The following SCAP variants were observed in gnomAD, a reference collection of about 807,000 sequenced individuals.
SCAP encodes sterol regulatory element-binding protein cleavage-activating protein.
In SCAP, 65 loss-of-function variants were observed where a neutral mutation model predicts 123.6. The ratio of observed to expected loss-of-function variants is 0.53; its 90% CI spans 0.43 to 0.65. SCAP has a LOEUF of 0.65. Among genes scored for constraint, SCAP ranks in the 30% least tolerant of loss-of-function variants. The probability of loss-of-function intolerance (pLI) is 0.00; values close to 1 mark genes in which losing one functional copy is unlikely to be tolerated. For synonymous variants in SCAP, 740 were observed against 726.3 expected, an observed-to-expected ratio of 1.02 and a Z score of -0.30; for missense variants, 1,398 against 1,712.5, an observed-to-expected ratio of 0.82 and a Z score of 3.24.
Position 47,418,540 on chromosome 3 carries a change from C to A in SCAP, c.2130-18G>T. On this transcript the variant is annotated intron_variant, in intron 14 of 22. Coordinates refer to ENST00000265565, the MANE Select transcript of SCAP (RefSeq NM_012235.4). ...CCGCCACCCTGCACGGGAGGGCGGACTGCTGTGAGACACACCTCACAGCCT... is the reference window on the plus strand; with the variant it reads ...CCGCCACCCTGCACGGGAGGGCGGAATGCTGTGAGACACACCTCACAGCCT... 1 of 1,575,676 alleles carries A rather than the reference C, an allele frequency of 6.3e-7. No homozygotes were observed. The highest frequency in any genetic ancestry group is 8.6e-7 in the Non-Finnish European group (1 of 1,161,314).
At chr3:47,416,645 G>A (rs1478476838) in intron 18 of SCAP, among the ~76,000 whole-genome samples, 1 of 50,036 alleles carries the variant, frequency 2.0e-5, no homozygotes, top group Non-Finnish European at 3.7e-5. Context: ...TTTTTTTTTT[G>A]AGACGGAGTC....
intron 1 of SCAP, among the ~76,000 whole-genome samples, chr3:47,444,051 T>C (rs1428437347): frequency 6.6e-6 from 1 of 152,226 alleles, no homozygotes; most frequent in Non-Finnish European, 1.5e-5. Flanking sequence ...AGCTATTCTA[T>C]ACCCTTCTAA....
chr3:47,469,785 T>C, intron 1 of SCAP: 2 of 535,716 alleles, frequency 3.7e-6, no homozygotes, highest in Non-Finnish European at 7.3e-6. Flanking sequence ...TTATATTCAT[T>C]GCTCAACAAG....
Position 47,464,047 on chromosome 3 carries a change from G to A in SCAP, c.-99+11752C>T, listed in dbSNP as rs1001323083. On this transcript the variant is annotated intron_variant, in intron 1 of 22. Coordinates refer to ENST00000265565, the MANE Select transcript of SCAP (RefSeq NM_012235.4). Reference sequence around the variant, plus strand: ...ATTTATTTATTTGAGACAGAGTCTCGCTCTGTCACCCAGGCTGGAGTACAG... The same window carrying A: ...ATTTATTTATTTGAGACAGAGTCTCACTCTGTCACCCAGGCTGGAGTACAG... Among the ~76,000 whole-genome samples, 6 of 151,886 alleles carry A rather than the reference G, an allele frequency of 4.0e-5. No homozygotes were observed. The East Asian group carries it at 7.7e-4, about 20-fold the overall frequency.
Position 47,416,169 on chromosome 3 carries a change from G to A in SCAP, c.3056+953C>T, listed in dbSNP as rs963155301. Among the ~76,000 whole-genome samples the A allele has an allele frequency of 5.3e-5, 8 of 152,236 alleles. 1 individual carries two copies. The highest frequency in any genetic ancestry group is 5.2e-4 in the Admixed American group (8 of 15,280). On this transcript the variant is annotated intron_variant, in intron 18 of 22. Transcript: ENST00000265565. ...CTGCCACCAACAGTCAAGGAGCCTT[G>A]GAGGAGGAGCCAGTGTGGGACAGGC...
chr3:47,418,874 G>A, intron 13 of SCAP, 31 bp from the exon 14 acceptor site: 2 of 1,490,496 alleles, frequency 1.3e-6, no homozygotes, highest in Non-Finnish European at 1.8e-6. Flanking sequence ...GCCTCAGCGG[G>A]GGGCCTCCCA....
At chr3:47,443,577 C>T (rs1053435483) in intron 1 of SCAP, among the ~76,000 whole-genome samples, 6 of 152,104 alleles carry the variant, frequency 3.9e-5, no homozygotes, top group African/African-American at 1.4e-4. Flanking sequence ...GTGATTCACT[C>T]GTGAAGAAGG....
At position 47,419,877 on chromosome 3, in the gene SCAP, G is replaced by T. The variant is rs1705812874; in HGVS notation, c.1564-173C>A. Among the ~76,000 whole-genome samples the T allele has an allele frequency of 6.6e-6, 1 of 152,208 alleles. No homozygotes were observed. The highest frequency in any genetic ancestry group is 6.5e-5 in the Admixed American group (1 of 15,282). On this transcript the variant is annotated intron_variant, in intron 12 of 22. Transcript: ENST00000265565. The surrounding 1 kb of genome is among the most constrained non-coding windows in gnomAD (Gnocchi z 5.0). ...TCTCCAAGTCCTCCTGCTAACACCT[G>T]CCAACACTTGCTGCTGGAGGGGCCT...
chr3:47,457,315 G>A (rs1206274108), intron 1 of SCAP, among the ~76,000 whole-genome samples: 1 of 152,114 alleles, frequency 6.6e-6, no homozygotes, highest in East Asian at 1.9e-4. Flanking sequence ...AAAAAATAAT[G>A]AGCAAAGTTT....
chr3:47,427,680 C>T lies in SCAP; in HGVS notation c.411-13G>A, dbSNP rs1706197258. ...CCTGATCCCAGAGCTGCACAGGAGACAGGACAAGGCACCTGCTGTGTCTGC... is the reference window on the plus strand; with the variant it reads ...CCTGATCCCAGAGCTGCACAGGAGATAGGACAAGGCACCTGCTGTGTCTGC... On this transcript the variant is annotated splice_polypyrimidine_tract_variant and intron_variant, in intron 4 of 22. Coordinates refer to ENST00000265565, the MANE Select transcript of SCAP (RefSeq NM_012235.4). 6.2e-7 allele frequency: 1 copy of T among 1,610,544 alleles called. No individual in the cohort carries two copies. The highest frequency in any genetic ancestry group is 1.3e-5 in the African/African-American group (1 of 74,828).
chr3:47,423,463 G>A (rs1053022277), intron 9 of SCAP, among the ~76,000 whole-genome samples: 1 of 152,212 alleles, frequency 6.6e-6, no homozygotes, highest in Non-Finnish European at 1.5e-5. Context: ...GTGTGATCAC[G>A]GCTCACTGCA....
intron 5 of SCAP, 47 bp from the exon 6 acceptor site, chr3:47,427,309 G>A (rs899416781): frequency 1.3e-6 from 2 of 1,559,608 alleles, no homozygotes; most frequent in Non-Finnish European, 1.8e-6. Context: ...GACAGCTACT[G>A]CAGAGCCACC....
At chr3:47,431,420 A>T (rs1359314218) in intron 3 of SCAP, among the ~76,000 whole-genome samples, 1 of 151,342 alleles carries the variant, frequency 6.6e-6, no homozygotes, top group Admixed American at 6.6e-5. Context: ...TCCAAAGTAT[A>T]TTCAGGTTTT....
At chr3:47,425,397 AAGTCC>A in intron 8 of SCAP, 83 bp downstream of exon 8, 1 of 1,431,104 alleles carries the variant, frequency 7.0e-7, no homozygotes, top group Non-Finnish European at 9.4e-7. Flanking sequence ...GGTCACAGCA[AAGTCC>A]AGGGAAGGCC....
chr3:47,445,243 CTTTTTTT>C (rs970206797), intron 1 of SCAP, among the ~76,000 whole-genome samples: 10 of 111,860 alleles, frequency 8.9e-5, no homozygotes, highest in Admixed American at 2.8e-4. Flanking sequence ...GTTTTCAATT[CTTTTTTT>C]TTTTTTTTTT....
At chr3:47,454,853 A>G (rs1707357805) in intron 1 of SCAP, among the ~76,000 whole-genome samples, 1 of 151,780 alleles carries the variant, frequency 6.6e-6, no homozygotes, top group African/African-American at 2.4e-5. Flanking sequence ...GCCCAATGGG[A>G]ACACACTAGA....
chr3:47,425,937 TGACATGGAAATGCCCGTTTAGCTTGGA>T, intron 7 of SCAP, 33 bp downstream of exon 7: 2 of 1,584,364 alleles, frequency 1.3e-6, no homozygotes, highest in Non-Finnish European at 8.6e-7. Context: ...GGGAAGCAGG[TGACATGGAAATGCCCGTTTAGCTTGGA>T]GAAAGCCCTC....
intron 4 of SCAP, 131 bp downstream of exon 4, chr3:47,428,382 T>C: frequency 1.0e-6 from 1 of 981,800 alleles, no homozygotes; most frequent in Non-Finnish European, 1.5e-6. Context: ...CAAGGCTAGC[T>C]CACCCTCCAT....
intron 1 of SCAP, among the ~76,000 whole-genome samples, chr3:47,452,361 A>C (rs972046807): frequency 1.3e-5 from 2 of 152,096 alleles, no homozygotes; most frequent in Non-Finnish European, 2.9e-5. Flanking sequence ...CTGTCTCTGA[A>C]AACAAACCAC....
Sources: gnomAD v4.1 joint callset for allele counts (sites outside exome capture counted in the v4.1 genomes callset) on GRCh38, gnomAD v4.1.1 for gene constraint, Gnocchi (gnomAD v3.1) non-coding constraint, MANE v1.5 for transcripts, NCBI Gene and HGNC (gene_info 2026-07-23, HGNC 2026-07-21) for gene names.